Variants in KLF17 observed in about 807,000 individuals in gnomAD.
The protein encoded by KLF17 is Krueppel-like factor 17.
A neutral mutation model predicts 34.2 loss-of-function variants in KLF17; 31 were observed. That is an observed-to-expected ratio of 0.91 (90% CI 0.68 to 1.22). KLF17 has a LOEUF of 1.22. KLF17 is among the 50% of genes most tolerant of loss of function. The probability of loss-of-function intolerance (pLI) is 0.00; values close to 1 mark genes in which losing one functional copy is unlikely to be tolerated. For missense variants in KLF17, 478 were observed against 505.2 expected (o/e 0.95, Z 0.52); for synonymous variants, 179 against 186.7 (o/e 0.96, Z 0.34).
chr1:44,045,705 G>A, the KLF17 span, among the ~76,000 whole-genome samples: 1 of 152,072 alleles, frequency 6.6e-6, no homozygotes, highest in Admixed American at 6.5e-5. Flanking sequence ...TTTTATCCAG[G>A]CCTGGTCTTA....
the KLF17 span, among the ~76,000 whole-genome samples, chr1:44,096,717 A>T: frequency 0.32 from 49,227 of 151,744 alleles, 8,139 homozygotes; most frequent in South Asian, 0.38. Flanking sequence ...TTTAAAAAAA[A>T]ATTTTTTTAA....
intron 1 of KLF17, among the ~76,000 whole-genome samples, chr1:44,127,144 A>T (rs1216155039): frequency 2.0e-5 from 3 of 151,536 alleles, no homozygotes; most frequent in Non-Finnish European, 4.4e-5. Flanking sequence ...CCTGGACTCA[A>T]GAGATCCTTC....
the KLF17 span, among the ~76,000 whole-genome samples, chr1:44,094,865 T>C: frequency 1.3e-5 from 2 of 151,990 alleles, no homozygotes; most frequent in Non-Finnish European, 2.9e-5. Context: ...AATATTTTTT[T>C]CTAGTTTTGT....
At chr1:44,053,459 G>C in the KLF17 span, among the ~76,000 whole-genome samples, 4 of 150,818 alleles carry the variant, frequency 2.7e-5, no homozygotes, top group East Asian at 7.7e-4. Context: ...CCCTAGTTCT[G>C]GGGGGGGAGG....
the KLF17 span, chr1:44,075,969 C>G: frequency 6.6e-6 from 1 of 152,322 alleles, no homozygotes; most frequent in South Asian, 2.1e-4. Flanking sequence ...CACTGCCAAA[C>G]CTTTCCCCAA....
At chr1:44,100,558 GA>G in the KLF17 span, among the ~76,000 whole-genome samples, 70 of 152,250 alleles carry the variant, frequency 4.6e-4, no homozygotes, top group African/African-American at 1.6e-3. Flanking sequence ...CGCACTGGAG[GA>G]AAAAATAAAA....
chr1:44,129,256 A>T (rs2088069315), intron 1 of KLF17, 97 bp from the exon 2 acceptor site: 1 of 1,382,572 alleles, frequency 7.2e-7, no homozygotes. Context: ...CAAGAGATGG[A>T]AATAGAGGGC....
intron 1 of KLF17, among the ~76,000 whole-genome samples, chr1:44,122,982 GC>G: frequency 6.6e-6 from 1 of 152,100 alleles, no homozygotes; most frequent in Non-Finnish European, 1.5e-5. Context: ...ATATTTAACT[GC>G]AATTATTTGG....
chr1:44,081,990 A>T, the KLF17 span, among the ~76,000 whole-genome samples: 1 of 152,198 alleles, frequency 6.6e-6, no homozygotes, highest in African/African-American at 2.4e-5. Context: ...TAAAATGTTA[A>T]ATAATTTTTC....
At chr1:44,122,093 A>G (rs998725387) in intron 1 of KLF17, 20 of 1,051,822 alleles carry the variant, frequency 1.9e-5, no homozygotes, top group Middle Eastern at 2.9e-4. Context: ...ACATAAACAC[A>G]ACCTGTACAA....
chr1:44,076,099 C>T, the KLF17 span: 3 of 152,252 alleles, frequency 2.0e-5, no homozygotes, highest in Non-Finnish European at 4.4e-5. Context: ...AGCACCCAAA[C>T]TGCACCTGGT....
At chr1:44,098,507 T>A in the KLF17 span, among the ~76,000 whole-genome samples, 1 of 151,434 alleles carries the variant, frequency 6.6e-6, no homozygotes, top group East Asian at 1.9e-4. Flanking sequence ...TATTTTTAAA[T>A]CTTTTTTGTG....
At chr1:44,117,172 T>C (rs2087888193), upstream of KLF17, 1 of 152,110 alleles carries the variant, frequency 6.6e-6, no homozygotes. Flanking sequence ...CCATTACCAA[T>C]CAGCATAGGA....
At chr1:44,130,299 C>T in intron 2 of KLF17, 103 bp downstream of exon 2, 1 of 1,506,828 alleles carries the variant, frequency 6.6e-7, no homozygotes, top group Non-Finnish European at 8.9e-7. Flanking sequence ...TTTCATCTTC[C>T]AAGCTTGGAA....
the KLF17 span, chr1:44,105,597 T>TA: frequency 6.6e-6 from 1 of 152,248 alleles, no homozygotes; most frequent in Non-Finnish European, 1.5e-5. Flanking sequence ...CATCTTATTT[T>TA]AAAAACATTT....
chr1:44,094,907 C>CTTT, the KLF17 span, among the ~76,000 whole-genome samples: 4 of 140,978 alleles, frequency 2.8e-5, no homozygotes, highest in Admixed American at 1.4e-4. Flanking sequence ...TTATTTATAT[C>CTTT]TTTTTTTTTT....
At chr1:44,109,700 C>T in the KLF17 span, among the ~76,000 whole-genome samples, 32 of 152,140 alleles carry the variant, frequency 2.1e-4, no homozygotes, top group African/African-American at 6.8e-4. Context: ...CAGTATCAAT[C>T]ACCCTTCTTC....
chr1:44,130,012 A>G lies in KLF17; in HGVS notation c.741A>G (p.Glu247=), dbSNP rs2088086651. ...TTGTCAGTCAGCCAGACTCTCAAGAAGGCCCATTTCTACCAGAGCAGCCCG... is the reference window on the plus strand; with the variant it reads ...TTGTCAGTCAGCCAGACTCTCAAGAGGGCCCATTTCTACCAGAGCAGCCCG... The part of the protein sequence containing the change: ...DSLVSQPDSQ[E]GPFLPEQPGP... Residue 247 remains glutamate (E), a synonymous_variant, in exon 2 of 4, where the codon GAA becomes GAG. Transcript: ENST00000372299. 1.2e-6 allele frequency: 2 copies of G among 1,614,098 alleles called. No individual in the cohort carries two copies. Among genetic ancestry groups the G allele is most frequent in the Non-Finnish European group, 1.7e-6 (2 of 1,180,052 alleles).
At chr1:44,119,579 G>C (rs899344826) in intron 1 of KLF17, among the ~76,000 whole-genome samples, 1 of 152,166 alleles carries the variant, frequency 6.6e-6, no homozygotes, top group African/African-American at 2.4e-5. Context: ...GAAGAAGTCA[G>C]GGGCGCGTGG....
Sources: gnomAD v4.1 joint callset for allele counts (sites outside exome capture counted in the v4.1 genomes callset) on GRCh38, gnomAD v4.1.1 for gene constraint, MANE v1.5 for transcripts, NCBI Gene and HGNC (gene_info 2026-07-23, HGNC 2026-07-21) for gene names.